The following CSNK1G3 variants were observed in gnomAD, a reference collection of about 807,000 sequenced individuals.
CSNK1G3 encodes casein kinase 1 gamma 3.
Under a neutral mutation model 64.3 loss-of-function variants are expected in CSNK1G3, and 23 were observed. The observed-to-expected ratio is 0.36, with a 90% CI of 0.26 to 0.51. The LOEUF is 0.51. CSNK1G3 is among the 20% of genes least tolerant of loss of function. CSNK1G3 has a pLI of 0.96. For synonymous variants in CSNK1G3, 158 were observed against 162.2 expected (o/e 0.97, Z 0.20); for missense variants, 357 against 510.5 (o/e 0.70, Z 2.90).
chr5:123,555,179 G>T (rs893760047), intron 3 of CSNK1G3, among the ~76,000 whole-genome samples: 2 of 152,044 alleles, frequency 1.3e-5, no homozygotes, highest in Non-Finnish European at 2.9e-5. Context: ...AATAATTATG[G>T]TTATACATTG....
chr5:123,552,955 G>C, intron 2 of CSNK1G3, 152 bp from the exon 3 acceptor site: 1 of 446,064 alleles, frequency 2.2e-6, no homozygotes, highest in Non-Finnish European at 4.1e-6. Flanking sequence ...TAATAAGTTT[G>C]AATATTTCCT....
At chr5:123,602,109 A>G (rs1232705236) in intron 10 of CSNK1G3, among the ~76,000 whole-genome samples, 3 of 152,178 alleles carry the variant, frequency 2.0e-5, no homozygotes, top group African/African-American at 4.8e-5. Context: ...GGGGGAAGCA[A>G]GTGCCCCAGA....
At chr5:123,538,613 G>A (rs1032866386) in intron 1 of CSNK1G3, among the ~76,000 whole-genome samples, 2 of 152,122 alleles carry the variant, frequency 1.3e-5, no homozygotes, top group African/African-American at 2.4e-5. Context: ...GATAGCATTA[G>A]GAGAAATACC....
intron 4 of CSNK1G3, among the ~76,000 whole-genome samples, chr5:123,566,837 A>G (rs1045549422): frequency 2.0e-5 from 3 of 152,162 alleles, no homozygotes; most frequent in Non-Finnish European, 4.4e-5. Flanking sequence ...AAAATTAGGA[A>G]AAGTTTAAAA....
chr5:123,538,622 C>G (rs1174608275), intron 1 of CSNK1G3, among the ~76,000 whole-genome samples: 1 of 152,080 alleles, frequency 6.6e-6, no homozygotes, highest in Non-Finnish European at 1.5e-5. Flanking sequence ...AGGAGAAATA[C>G]CTAATGTAGA....
At chr5:123,514,231 A>G (rs1776745086) in intron 1 of CSNK1G3, among the ~76,000 whole-genome samples, 2 of 152,130 alleles carry the variant, frequency 1.3e-5, no homozygotes, top group Admixed American at 1.3e-4. Flanking sequence ...TTGAGAAACG[A>G]TTGTCTTTAC....
At chr5:123,570,091 C>T (rs1049974041) in intron 4 of CSNK1G3, among the ~76,000 whole-genome samples, 5 of 152,028 alleles carry the variant, frequency 3.3e-5, no homozygotes, top group South Asian at 2.1e-4. Flanking sequence ...CTTATGTATC[C>T]GTAATGCCCA....
intron 4 of CSNK1G3, among the ~76,000 whole-genome samples, chr5:123,563,821 G>A (rs1371314440): frequency 1.3e-5 from 2 of 152,016 alleles, no homozygotes. Context: ...AAGCATGAAA[G>A]TTAAGTGAAT....
chr5:123,546,017 C>T, intron 2 of CSNK1G3, 176 bp downstream of exon 2: 1 of 612,542 alleles, frequency 1.6e-6, no homozygotes, highest in African/African-American at 1.9e-5. Flanking sequence ...GTAAGGAATT[C>T]CCTAGTATAG....
intron 1 of CSNK1G3, among the ~76,000 whole-genome samples, chr5:123,513,102 G>A (rs1171249079): frequency 6.6e-6 from 1 of 152,116 alleles, no homozygotes. Context: ...AAGGGGTTGG[G>A]TGGGGGGACA....
At chr5:123,585,504 C>T (rs1401815214) in intron 6 of CSNK1G3, among the ~76,000 whole-genome samples, 1 of 152,020 alleles carries the variant, frequency 6.6e-6, no homozygotes, top group Non-Finnish European at 1.5e-5. Flanking sequence ...TTCTTTTAAA[C>T]ATACTCTTAA....
At chr5:123,512,776 G>T (rs1438247743) in intron 1 of CSNK1G3, among the ~76,000 whole-genome samples, 5 of 151,296 alleles carry the variant, frequency 3.3e-5, no homozygotes, top group Admixed American at 3.3e-4. Flanking sequence ...GGCAGGAGGG[G>T]GCCGCGGTCG....
rs567749118 is a variant in CSNK1G3, at chr5:123,573,825, C to T, written c.438+284C>T. On this transcript the variant is annotated intron_variant, in intron 5 of 12. Transcript: ENST00000345990. ...TTCTTCATATAAAAGATGATTACTT[C>T]AAAAGAGAACCCTCAGAAACATAGA... Among the ~76,000 whole-genome samples, 8 of 151,170 alleles carry T rather than the reference C, an allele frequency of 5.3e-5. No individual in the cohort carries two copies. In the South Asian group the frequency reaches 1.7e-3, roughly 32 times the overall value.
intron 4 of CSNK1G3, among the ~76,000 whole-genome samples, chr5:123,559,777 A>T: frequency 6.6e-6 from 1 of 151,624 alleles, no homozygotes; most frequent in East Asian, 1.9e-4. Context: ...TTGTAGAAAA[A>T]CAAGAGTGCT....
chr5:123,519,514 A>G (rs1051847648), intron 1 of CSNK1G3, among the ~76,000 whole-genome samples: 7 of 152,188 alleles, frequency 4.6e-5, no homozygotes, highest in Non-Finnish European at 8.8e-5. Context: ...AAACTTGTTT[A>G]AATTTTTTTT....
At chr5:123,539,835 A>G (rs1781409085) in intron 1 of CSNK1G3, among the ~76,000 whole-genome samples, 1 of 152,034 alleles carries the variant, frequency 6.6e-6, no homozygotes, top group South Asian at 2.1e-4. Flanking sequence ...ATAGATATGG[A>G]ACTTTTGATA....
At chr5:123,573,286 A>C in intron 4 of CSNK1G3, 107 bp from the exon 5 acceptor site, 1 of 1,156,092 alleles carries the variant, frequency 8.6e-7, no homozygotes, top group Non-Finnish European at 1.3e-6. Context: ...AAGTGATAGT[A>C]CTGCTTTAGT....
rs1053399489 is a variant in CSNK1G3, at chr5:123,600,670, A to G, written c.1087-4054A>G. Among the ~76,000 whole-genome samples, 5 of 152,144 alleles carry G rather than the reference A, an allele frequency of 3.3e-5. No homozygotes were observed. The East Asian group carries it at 9.6e-4, about 29-fold the overall frequency. ...AAGAAATTAGGAAGACAGTAGTATA[A>G]CTAATTTGTATGAATTCATTATATT... On this transcript the variant is annotated intron_variant, in intron 10 of 12. Coordinates refer to ENST00000345990, the Ensembl canonical transcript of CSNK1G3.
intron 4 of CSNK1G3, among the ~76,000 whole-genome samples, chr5:123,569,551 A>G (rs1787655309): frequency 6.6e-6 from 1 of 152,218 alleles, no homozygotes; most frequent in Non-Finnish European, 1.5e-5. Context: ...TCACTACCCA[A>G]CATTAAATCA....
Sources: gnomAD v4.1 joint callset for allele counts (sites outside exome capture counted in the v4.1 genomes callset) on GRCh38, gnomAD v4.1.1 for gene constraint, MANE v1.5 for transcripts, NCBI Gene and HGNC (gene_info 2026-07-23, HGNC 2026-07-21) for gene names.